HHAT: variants seen among roughly 807,000 people sequenced by gnomAD.
HHAT encodes protein-cysteine N-palmitoyltransferase HHAT.
Under a neutral mutation model 70.8 loss-of-function variants are expected in HHAT, and 47 were observed. That is an observed-to-expected ratio of 0.66 (90% CI 0.53 to 0.85). The LOEUF is 0.85. Ranked by LOEUF, HHAT falls within the 40% of genes least tolerant of loss-of-function variation. The pLI is 0.00. For synonymous variants in HHAT, 228 were observed against 247.6 expected, an observed-to-expected ratio of 0.92 and a Z score of 0.74; for missense variants, 609 against 604.8, an observed-to-expected ratio of 1.01 and a Z score of -0.07.
chr1:210,385,485 C>T (rs1055825837), intron 3 of HHAT, among the ~76,000 whole-genome samples: 1 of 152,148 alleles, frequency 6.6e-6, no homozygotes, highest in African/African-American at 2.4e-5. Context: ...TTTGAGTTCT[C>T]TGCTGTGCTG....
chr1:210,484,182 C>T (rs756212144), intron 8 of HHAT, among the ~76,000 whole-genome samples: 3 of 152,180 alleles, frequency 2.0e-5, no homozygotes, highest in Non-Finnish European at 2.9e-5. Context: ...TGGAAAAATG[C>T]CTGACTGACA....
chr1:210,333,896 A>T (rs551070237), intron 1 of HHAT, among the ~76,000 whole-genome samples: 2 of 152,076 alleles, frequency 1.3e-5, no homozygotes, highest in Non-Finnish European at 2.9e-5. Flanking sequence ...GCTTGAAGTG[A>T]TCTGCCCACC....
intron 3 of HHAT, among the ~76,000 whole-genome samples, chr1:210,373,271 T>A (rs2089740311): frequency 6.6e-6 from 1 of 151,874 alleles, no homozygotes. Context: ...GCAGGTTGAA[T>A]AGTGGCGGGA....
At chr1:210,390,323 A>AACT (rs1416845033) in intron 4 of HHAT, among the ~76,000 whole-genome samples, 3 of 152,218 alleles carry the variant, frequency 2.0e-5, no homozygotes, top group African/African-American at 7.2e-5. Context: ...CCCTCTGACA[A>AACT]ACTACTGGTG....
At chr1:210,375,149 C>T (rs1352499943) in intron 3 of HHAT, among the ~76,000 whole-genome samples, 1 of 151,016 alleles carries the variant, frequency 6.6e-6, no homozygotes, top group East Asian at 2.0e-4. Flanking sequence ...TGTGTAGATT[C>T]ATGTAAACAC....
intron 8 of HHAT, among the ~76,000 whole-genome samples, chr1:210,501,171 A>T (rs543018385): frequency 6.6e-6 from 1 of 152,116 alleles, no homozygotes; most frequent in Admixed American, 6.5e-5. Context: ...GTTCAGTTTT[A>T]TTTTTCTAGC....
intron 4 of HHAT, among the ~76,000 whole-genome samples, chr1:210,398,758 G>A (rs998680410): frequency 2.0e-5 from 3 of 151,942 alleles, no homozygotes; most frequent in African/African-American, 7.2e-5. Context: ...TTTTTCATTT[G>A]TTAAAACTAC....
chr1:210,616,044 A>G (rs1159400390), intron 10 of HHAT, among the ~76,000 whole-genome samples: 1 of 152,210 alleles, frequency 6.6e-6, no homozygotes, highest in African/African-American at 2.4e-5. Flanking sequence ...CTATTCGGCC[A>G]TCTTGGAACT....
intron 2 of HHAT, among the ~76,000 whole-genome samples, chr1:210,353,513 C>T (rs1571820495): frequency 7.0e-6 from 1 of 141,910 alleles, no homozygotes; most frequent in Admixed American, 7.1e-5. Context: ...CCTATTCGTT[C>T]TTATTTAAAT....
In HHAT at chr1:210,384,651, G is replaced by GAT. The variant is rs1484618545; in HGVS notation, c.160-2816_160-2815dup. The stretch of plus-strand genomic sequence containing the variant: ...AGCCTGCCTAGTTCTGCCTGGCTGA[G>GAT]ATTTAGCTCCAGTTTATATCTGACC... On this transcript the variant is annotated intron_variant, in intron 3 of 11. Transcript: ENST00000261458. 2.0e-5 allele frequency among the ~76,000 whole-genome samples: 3 copies of GAT among 152,276 alleles called. No individual in the cohort carries two copies. The East Asian group carries it at 5.8e-4, about 29-fold the overall frequency.
intron 8 of HHAT, among the ~76,000 whole-genome samples, chr1:210,465,328 C>T (rs886555198): frequency 1.3e-5 from 2 of 152,058 alleles, no homozygotes; most frequent in African/African-American, 4.8e-5. Flanking sequence ...TTTCCTTAGT[C>T]CCCCTGCCAT....
chr1:210,417,357 T>G (rs2092753540), intron 6 of HHAT, among the ~76,000 whole-genome samples: 1 of 152,124 alleles, frequency 6.6e-6, no homozygotes, highest in Non-Finnish European at 1.5e-5. Context: ...CTCAGCCTCC[T>G]GAGTAGCTGG....
chr1:210,632,178 C>T (rs1670998679), intron 11 of HHAT, among the ~76,000 whole-genome samples: 1 of 152,152 alleles, frequency 6.6e-6, no homozygotes, highest in South Asian at 2.1e-4. Context: ...TGAATTGTGC[C>T]CAGCTGATGA....
chr1:210,492,114 C>T lies in HHAT; in HGVS notation c.1008-21039C>T, dbSNP rs570417308. Among the ~76,000 whole-genome samples the T allele has an allele frequency of 1.7e-4, 26 of 152,234 alleles. 1 individual carries two copies. The South Asian group carries it at 5.4e-3, about 32-fold the overall frequency. The stretch of plus-strand genomic sequence containing the variant: ...TCTCTGCCTAGAAAGTAATCACACA[C>T]ACGTACCCACCTGCATCCTCTACAT... On this transcript the variant is annotated intron_variant, in intron 8 of 11. Coordinates refer to ENST00000261458, the MANE Select transcript of HHAT (RefSeq NM_018194.6).
At chr1:210,520,008 A>G (rs866166756) in intron 9 of HHAT, among the ~76,000 whole-genome samples, 1 of 116,578 alleles carries the variant, frequency 8.6e-6, no homozygotes, top group African/African-American at 3.0e-5. Flanking sequence ...AGCTCATTTT[A>G]AAACCCTTTG....
chr1:210,618,515 C>T (rs1668206786), intron 10 of HHAT, among the ~76,000 whole-genome samples: 1 of 152,186 alleles, frequency 6.6e-6, no homozygotes, highest in Non-Finnish European at 1.5e-5. Context: ...TAAAAATAAG[C>T]AGCATCAGGT....
At chr1:210,575,656 C>G (rs978459916) in intron 9 of HHAT, among the ~76,000 whole-genome samples, 2 of 152,150 alleles carry the variant, frequency 1.3e-5, no homozygotes, top group African/African-American at 4.8e-5. Flanking sequence ...AGTTTTGATG[C>G]ATGACATCTT....
rs140062251 is a variant in HHAT at position 210,412,222 on chromosome 1, G to GA, written c.685-5932_685-5931insA. Reference sequence around the variant, plus strand: ...CCTTGGGGGTTAGGATTTCAACATAGGAATTTTTAGAGGGATGTAAACATT... The same window carrying GA: ...CCTTGGGGGTTAGGATTTCAACATAGAGAATTTTTAGAGGGATGTAAACATT... On this transcript the variant is annotated intron_variant, in intron 6 of 11. Coordinates refer to ENST00000261458, the MANE Select transcript of HHAT (RefSeq NM_018194.6). 8.3e-3 allele frequency among the ~76,000 whole-genome samples: 1,268 copies of GA among 152,162 alleles called. 28 individuals carry two copies. Among genetic ancestry groups the GA allele is most frequent in the African/African-American group, 0.029 (1,195 of 41,490 alleles).
At chr1:210,507,310 T>G (rs1466566283) in intron 8 of HHAT, among the ~76,000 whole-genome samples, 3 of 152,020 alleles carry the variant, frequency 2.0e-5, no homozygotes, top group African/African-American at 7.2e-5. Context: ...CTCCTTAAGG[T>G]GCTTTTTCCA....
Sources: gnomAD v4.1 joint callset for allele counts (sites outside exome capture counted in the v4.1 genomes callset) on GRCh38, gnomAD v4.1.1 for gene constraint, MANE v1.5 for transcripts, NCBI Gene and HGNC (gene_info 2026-07-23, HGNC 2026-07-21) for gene names.